The following STK32B variants were observed in gnomAD, a reference collection of about 807,000 sequenced individuals.
STK32B encodes serine/threonine-protein kinase 32B.
STK32B carries 43 observed loss-of-function variants against 52.6 expected under a neutral mutation model. The observed-to-expected ratio is 0.82, with a 90% confidence interval of 0.64 to 1.05. The LOEUF (loss-of-function observed/expected upper bound fraction) is 1.05. STK32B is among the 50% of genes least tolerant of loss of function. STK32B has a pLI of 0.00. For missense variants in STK32B, 621 were observed against 534.6 expected (o/e 1.16, Z -1.59); for synonymous variants, 238 against 204.3 (o/e 1.17, Z -1.41).
chr4:5,469,029 C>A lies in STK32B; in HGVS notation c.1106+959C>A, dbSNP rs1006643369. ...CGCGCACACTGCACTCCAGCCTGGG[C>A]GACAGAGCAAGACTCCGTCTCAAAA... On this transcript the variant is annotated intron_variant, in intron 11 of 11. Coordinates refer to ENST00000282908, the MANE Select transcript of STK32B (RefSeq NM_018401.3). The surrounding 1 kb of genome is among the most constrained non-coding windows in gnomAD (Gnocchi z 4.7). Among the ~76,000 whole-genome samples, 2 of 144,968 alleles carry A rather than the reference C, an allele frequency of 1.4e-5. No individual in the cohort carries two copies. Among genetic ancestry groups the A allele is most frequent in the African/African-American group, 5.2e-5 (2 of 38,282 alleles).
At chr4:5,471,694 T>A (rs552260281) in intron 11 of STK32B, among the ~76,000 whole-genome samples, 2 of 152,204 alleles carry the variant, frequency 1.3e-5, no homozygotes, top group South Asian at 4.2e-4. Flanking sequence ...CGTTTTAATA[T>A]GTCCCACAAG....
At chr4:5,144,364 A>G (rs1562425) in intron 2 of STK32B, among the ~76,000 whole-genome samples, 49,619 of 152,064 alleles carry the variant, frequency 0.33, 9,535 homozygotes, top group Non-Finnish European at 0.44. Flanking sequence ...TATTCAATAA[A>G]TGTTGATTCT....
At chr4:5,229,336 G>A (rs958432549) in intron 3 of STK32B, among the ~76,000 whole-genome samples, 7 of 151,956 alleles carry the variant, frequency 4.6e-5, no homozygotes, top group African/African-American at 1.7e-4. Context: ...TATACTAGAA[G>A]CCCAGACCTC....
chr4:5,457,202 T>G (rs1175668977), intron 8 of STK32B, among the ~76,000 whole-genome samples: 6 of 134,956 alleles, frequency 4.4e-5, no homozygotes, highest in East Asian at 2.4e-4. Flanking sequence ...GCATGTGGGG[T>G]TTTTTTTTTC....
chr4:5,309,866 G>A (rs977067837), intron 3 of STK32B, among the ~76,000 whole-genome samples: 158 of 152,164 alleles, frequency 1.0e-3, no homozygotes, highest in Non-Finnish European at 1.1e-3. Flanking sequence ...GACAACAAAA[G>A]CAAAAATAGA....
At chr4:5,365,254 G>A (rs1326644861) in intron 4 of STK32B, among the ~76,000 whole-genome samples, 6 of 152,092 alleles carry the variant, frequency 3.9e-5, no homozygotes, top group Admixed American at 3.3e-4. Flanking sequence ...TGTTTTCACG[G>A]AACTTTGGCA....
At chr4:5,426,710 A>AAAAAAAAAAAAGG (rs1713138322) in intron 6 of STK32B, among the ~76,000 whole-genome samples, 2 of 149,646 alleles carry the variant, frequency 1.3e-5, no homozygotes, top group African/African-American at 2.4e-5. Context: ...AAAAAAAAAA[A>AAAAAAAAAAAAGG]AAAAGGAAAA....
intron 5 of STK32B, among the ~76,000 whole-genome samples, chr4:5,405,640 G>T (rs1737610259): frequency 6.6e-6 from 1 of 152,152 alleles, no homozygotes; most frequent in Non-Finnish European, 1.5e-5. Context: ...CATGGCAGAA[G>T]GTGAAGGGGA....
At chr4:5,319,660 C>T (rs1266799295) in intron 3 of STK32B, among the ~76,000 whole-genome samples, 2 of 152,216 alleles carry the variant, frequency 1.3e-5, no homozygotes, top group South Asian at 4.1e-4. Context: ...TGTCCTTGCT[C>T]TCTGCTCCTC....
chr4:5,302,958 A>G (rs998629730), intron 3 of STK32B, among the ~76,000 whole-genome samples: 8 of 151,258 alleles, frequency 5.3e-5, no homozygotes, highest in African/African-American at 1.9e-4. Context: ...GCTGAGTAGT[A>G]TTCTATGGTA....
chr4:5,379,287 G>A (rs908006492), intron 4 of STK32B, among the ~76,000 whole-genome samples: 1 of 151,970 alleles, frequency 6.6e-6, no homozygotes, highest in African/African-American at 2.4e-5. Flanking sequence ...CTTTCACCAG[G>A]GCCCCCTTGT....
In STK32B at chr4:5,070,132, A is replaced by T. The variant is rs140716750; in HGVS notation, c.52+18217A>T. Among the ~76,000 whole-genome samples, 8 of 152,136 alleles carry T rather than the reference A, an allele frequency of 5.3e-5. No individual in the cohort carries two copies. In the East Asian group the frequency reaches 1.6e-3, roughly 30 times the overall value. ...CCCAGCTGTCAGGCGGTTCTTTCTC[A>T]TTTCCATTCTCCTAGGAAACAGCAC... On this transcript the variant is annotated intron_variant, in intron 1 of 11. Coordinates refer to ENST00000282908, the MANE Select transcript of STK32B (RefSeq NM_018401.3).
chr4:5,154,224 T>C, intron 2 of STK32B, among the ~76,000 whole-genome samples: 1 of 151,080 alleles, frequency 6.6e-6, no homozygotes. Context: ...TTTTTTTTTT[T>C]TTTTTTTCAT....
the STK32B span, among the ~76,000 whole-genome samples, chr4:5,022,216 G>A: frequency 3.3e-5 from 5 of 152,070 alleles, no homozygotes; most frequent in Non-Finnish European, 7.4e-5. Context: ...CCTTCTCTAG[G>A]AGAGAAAGAC....
chr4:5,428,494 T>C (rs1560402838), intron 6 of STK32B, among the ~76,000 whole-genome samples: 1 of 152,238 alleles, frequency 6.6e-6, no homozygotes, highest in Non-Finnish European at 1.5e-5. Context: ...TTCAGTTTAA[T>C]TCTGTCATGA....
At chr4:5,173,978 C>G (rs2108744129) in intron 3 of STK32B, among the ~76,000 whole-genome samples, 1 of 152,282 alleles carries the variant, frequency 6.6e-6, no homozygotes, top group Admixed American at 6.5e-5. Flanking sequence ...CTTTATAAAT[C>G]TGGGTGCTCC....
At chr4:5,493,611 C>T (rs1577062661) in intron 11 of STK32B, among the ~76,000 whole-genome samples, 1 of 151,992 alleles carries the variant, frequency 6.6e-6, no homozygotes, top group Non-Finnish European at 1.5e-5. Flanking sequence ...TATTTCTTGC[C>T]TTCTGCTAGC....
intron 7 of STK32B, among the ~76,000 whole-genome samples, chr4:5,452,535 G>A (rs1716101295): frequency 6.6e-6 from 1 of 152,186 alleles, no homozygotes; most frequent in African/African-American, 2.4e-5. Flanking sequence ...CTAGGACCCT[G>A]CAGAGATGAT....
intron 3 of STK32B, among the ~76,000 whole-genome samples, chr4:5,176,787 C>G (rs1413555997): frequency 1.3e-5 from 2 of 152,110 alleles, no homozygotes; most frequent in African/African-American, 4.8e-5. Context: ...CCTCAAGACA[C>G]CAACAGATTA....
Sources: allele counts gnomAD v4.1 joint callset (sites outside exome capture counted in the v4.1 genomes callset), GRCh38; gene constraint gnomAD v4.1.1; non-coding constraint Gnocchi (gnomAD v3.1); transcripts MANE v1.5; gene names NCBI Gene and HGNC (gene_info 2026-07-23, HGNC 2026-07-21).